The following RANBP9 variants were observed in gnomAD, a reference collection of about 807,000 sequenced individuals.
The protein encoded by RANBP9 is ran-binding protein 9.
Under a neutral mutation model 84.3 loss-of-function variants are expected in RANBP9, and 15 were observed. The observed-to-expected ratio is 0.18, with a 90% CI of 0.12 to 0.27. RANBP9 has a LOEUF of 0.27. RANBP9 is among the 10% of genes least tolerant of loss of function. The pLI is 1.00. For synonymous variants in RANBP9, 392 were observed against 349.6 expected (o/e 1.12, Z -1.35); for missense variants, 809 against 912.8 (o/e 0.89, Z 1.46).
intron 2 of RANBP9, among the ~76,000 whole-genome samples, chr6:13,684,473 T>C (rs1451247463): frequency 6.6e-6 from 1 of 152,256 alleles, no homozygotes; most frequent in African/African-American, 2.4e-5. Flanking sequence ...ACAATTGTTC[T>C]TCCAACTTAC....
intron 2 of RANBP9, among the ~76,000 whole-genome samples, chr6:13,694,148 C>T (rs921299152): frequency 6.6e-6 from 1 of 152,198 alleles, no homozygotes; most frequent in Non-Finnish European, 1.5e-5. Context: ...ATACACTTAA[C>T]TACAATCCAG....
At chr6:13,708,917 A>G (rs1411405263) in intron 1 of RANBP9, among the ~76,000 whole-genome samples, 1 of 152,186 alleles carries the variant, frequency 6.6e-6, no homozygotes, top group Non-Finnish European at 1.5e-5. Context: ...GGGGTAAGAG[A>G]GAGACAAAGG....
chr6:13,688,671 T>C (rs974424300), intron 2 of RANBP9, among the ~76,000 whole-genome samples: 1 of 151,702 alleles, frequency 6.6e-6, no homozygotes, highest in African/African-American at 2.4e-5. Context: ...TCTGTTATTT[T>C]CCTCCTGTTA....
Position 13,711,256 on chromosome 6 carries a change from G to GCGGCGGGGC in RANBP9, c.241_249dup (p.Ala81_Pro83dup). 4.1e-6 allele frequency: 4 copies of GCGGCGGGGC among 981,586 alleles called. No homozygotes were observed. Among genetic ancestry groups the GCGGCGGGGC allele is most frequent in the Non-Finnish European group, 4.8e-6 (4 of 827,732 alleles). 60.8% of individuals were successfully genotyped at this position (981,586 alleles called of 1,614,324 possible). A position where few individuals can be genotyped will look rare whatever the true frequency, so the allele number is the denominator to read the frequency against. Reference sequence around the variant, plus strand: ...GGGGGAGGCGGGGGCGGCGGCGGGGGCGGCGGGGCCGCGGTGGCCGGGGGC... The same window carrying GCGGCGGGGC: ...GGGGGAGGCGGGGGCGGCGGCGGGGGCGGCGGGGCCGGCGGGGCCGCGGTGGCCGGGGGC... On this transcript the variant is annotated inframe_insertion, in exon 1 of 14. Transcript: ENST00000011619.
At chr6:13,682,334 A>C (rs993619414) in intron 2 of RANBP9, among the ~76,000 whole-genome samples, 1 of 152,032 alleles carries the variant, frequency 6.6e-6, no homozygotes, top group Non-Finnish European at 1.5e-5. Context: ...AAGTGACTTT[A>C]AAACACAGTA....
chr6:13,629,245 G>C (rs1264198377), intron 12 of RANBP9, among the ~76,000 whole-genome samples: 1 of 152,042 alleles, frequency 6.6e-6, no homozygotes, highest in East Asian at 1.9e-4. Flanking sequence ...CAAAGTGTTG[G>C]GATTACAGAT....
chr6:13,664,180 A>G (rs1584930564), intron 2 of RANBP9, among the ~76,000 whole-genome samples: 1 of 152,158 alleles, frequency 6.6e-6, no homozygotes, highest in Admixed American at 6.6e-5. Context: ...TGCAGGATAC[A>G]AAGTTAATAT....
chr6:13,687,029 G>GT (rs1766206179), intron 2 of RANBP9, among the ~76,000 whole-genome samples: 1 of 152,112 alleles, frequency 6.6e-6, no homozygotes, highest in East Asian at 1.9e-4. Context: ...AGAAGAAATT[G>GT]TTTTAAAAAA....
chr6:13,661,392 A>C (rs546632339), intron 2 of RANBP9, among the ~76,000 whole-genome samples: 2 of 152,216 alleles, frequency 1.3e-5, no homozygotes, highest in Non-Finnish European at 2.9e-5. Flanking sequence ...ACAGATGGGC[A>C]AAATGAAGAA....
At chr6:13,644,506 G>GA (rs756177779) in intron 6 of RANBP9, 39 bp downstream of exon 6, 7 of 1,571,350 alleles carry the variant, frequency 4.5e-6, no homozygotes, top group Middle Eastern at 1.7e-4. Context: ...ATAAAAAACA[G>GA]ATTCTGAATA....
chr6:13,652,645 A>T lies in RANBP9; in HGVS notation c.927+14T>A, dbSNP rs1486037690. On this transcript the variant is annotated intron_variant, in intron 5 of 13. Coordinates refer to ENST00000011619, the MANE Select transcript of RANBP9 (RefSeq NM_005493.3). ...TAATTAAAAATGGAAAACTGCTTTT[A>T]AAAAAAGTCTTACCGGTAGGTCAGT... 3 of 1,570,752 alleles carry T rather than the reference A, an allele frequency of 1.9e-6. No individual in the cohort carries two copies. The highest frequency in any genetic ancestry group is 1.7e-6 in the Non-Finnish European group (2 of 1,150,060).
At chr6:13,699,281 A>G (rs1323706193) in intron 1 of RANBP9, among the ~76,000 whole-genome samples, 1 of 152,238 alleles carries the variant, frequency 6.6e-6, no homozygotes, top group East Asian at 1.9e-4. Flanking sequence ...ATTTGTTAGG[A>G]TTCACTAATT....
chr6:13,707,432 G>A (rs1462888151), intron 1 of RANBP9, among the ~76,000 whole-genome samples: 1 of 152,176 alleles, frequency 6.6e-6, no homozygotes, highest in East Asian at 1.9e-4. Flanking sequence ...GAAGCACTGT[G>A]TTCCAGTTAC....
rs190047186 is a variant in RANBP9 at position 13,647,731 on chromosome 6, C to T, written c.928-3002G>A. ...ACATTTCTCATTTAAGTATTTAATA[C>T]TATACATTACTTCTGTAATCTGATA... On this transcript the variant is annotated intron_variant, in intron 5 of 13. Transcript: ENST00000011619. 2.2e-4 allele frequency among the ~76,000 whole-genome samples: 34 copies of T among 152,192 alleles called. 1 individual carries two copies. The East Asian group carries it at 6.6e-3, about 29-fold the overall frequency.
At chr6:13,710,877 G>T in intron 1 of RANBP9, 58 bp downstream of exon 1, 2 of 1,512,446 alleles carry the variant, frequency 1.3e-6, no homozygotes, top group South Asian at 1.2e-5. Context: ...GCGGCGCAGC[G>T]GCGGCCGGCC....
Position 13,641,315 on chromosome 6 carries a change from G to GT in RANBP9, c.1226-9dup. 1 of 1,533,830 alleles carries GT rather than the reference G, an allele frequency of 6.5e-7. No homozygotes were observed. Among genetic ancestry groups the GT allele is most frequent in the Non-Finnish European group, 8.9e-7 (1 of 1,121,092 alleles). ...ATACCAATTTCTGAATTCCTATTCA[G>GT]TAAAAGAAAGCAAACGATTAACTTT... On this transcript the variant is annotated splice_polypyrimidine_tract_variant and intron_variant, in intron 7 of 13. Transcript: ENST00000011619.
At chr6:13,640,309 T>C (rs1765035114) in intron 8 of RANBP9, among the ~76,000 whole-genome samples, 1 of 152,096 alleles carries the variant, frequency 6.6e-6, no homozygotes, top group Non-Finnish European at 1.5e-5. Context: ...GTAACAAAGA[T>C]TCATAAAACC....
intron 1 of RANBP9, among the ~76,000 whole-genome samples, chr6:13,709,394 A>C (rs1758215387): frequency 6.6e-6 from 1 of 152,240 alleles, no homozygotes; most frequent in Non-Finnish European, 1.5e-5. Flanking sequence ...ACTGGCTCTG[A>C]CTTTATGAGC....
intron 1 of RANBP9, 112 bp downstream of exon 1, chr6:13,710,823 C>G (rs1028695379): frequency 6.7e-5 from 83 of 1,234,328 alleles, no homozygotes; most frequent in Non-Finnish European, 8.1e-5. Context: ...GAGTGGCCTC[C>G]GAGGGCAGAG....
Sources: allele counts gnomAD v4.1 joint callset (sites outside exome capture counted in the v4.1 genomes callset), GRCh38; gene constraint gnomAD v4.1.1; transcripts MANE v1.5; gene names NCBI Gene and HGNC (gene_info 2026-07-23, HGNC 2026-07-21).